Variants in CASTOR2 observed in about 807,000 individuals in gnomAD.
CASTOR2 encodes cytosolic arginine sensor for mTORC1 subunit 2.
A neutral mutation model predicts 31.2 loss-of-function variants in CASTOR2; 8 were observed. The observed-to-expected ratio is 0.26, with a 90% CI of 0.15 to 0.46. The LOEUF is 0.46. Ranked by LOEUF, CASTOR2 falls within the 20% of genes least tolerant of loss-of-function variation. The pLI, the probability that CASTOR2 is intolerant of heterozygous loss-of-function variation, is 0.99. For synonymous variants in CASTOR2, 162 were observed against 158.7 expected (o/e 1.02, Z -0.16); for missense variants, 216 against 382.1 (o/e 0.57, Z 3.62).
At chr7:74,970,807 G>A (rs1554435015) in intron 1 of CASTOR2, among the ~76,000 whole-genome samples, 1 of 146,688 alleles carries the variant, frequency 6.8e-6, no homozygotes, top group African/African-American at 2.5e-5. Flanking sequence ...AAAATAGCCA[G>A]GCATGGCGGT....
rs1261745409 is a variant in CASTOR2, at chr7:75,031,461, A to G, written c.*6762A>G. The stretch of plus-strand genomic sequence containing the variant: ...GTATGTTGGAGAAAAAAAATTACCT[A>G]ATGTTCCCCCAAAAAAGACAGTATA... On this transcript the variant is annotated 3_prime_UTR_variant, in exon 9 of 9. Transcript: ENST00000616305. Among the ~76,000 whole-genome samples the G allele has an allele frequency of 6.6e-6, 1 of 152,014 alleles. No individual in the cohort carries two copies. The highest frequency in any genetic ancestry group is 1.5e-5 in the Non-Finnish European group (1 of 67,998).
At chr7:75,009,970 G>A (rs1470582769) in intron 2 of CASTOR2, among the ~76,000 whole-genome samples, 4 of 147,910 alleles carry the variant, frequency 2.7e-5, no homozygotes, top group East Asian at 2.0e-4. Context: ...AGGTATGATC[G>A]TAGTGCATAG....
chr7:74,969,283 T>A (rs1554434870), intron 1 of CASTOR2, among the ~76,000 whole-genome samples: 1 of 117,082 alleles, frequency 8.5e-6, no homozygotes, highest in South Asian at 3.1e-4. Flanking sequence ...GGCCTTTTCT[T>A]TTTTTTTTTT....
chr7:75,020,759 G>A (rs988982466), intron 6 of CASTOR2, among the ~76,000 whole-genome samples: 26 of 151,948 alleles, frequency 1.7e-4, no homozygotes, highest in Non-Finnish European at 3.7e-4. Context: ...AAAGTGCTGG[G>A]ATTACTGGCA....
rs1232235591 is a variant in CASTOR2 at position 75,018,056 on chromosome 7, G to A, written c.445G>A (p.Val149Ile). 1.3e-5 allele frequency: 21 copies of A among 1,614,068 alleles called. No individual in the cohort carries two copies. The highest frequency in any genetic ancestry group is 6.7e-5 in the African/African-American group (5 of 74,938). The change falls in exon 4 of 9, where the codon GTC (valine) becomes ATC (isoleucine). Residue 149 changes from valine to isoleucine, a missense_variant. By Grantham distance (29) the Val-to-Ile change is conservative. Coordinates refer to ENST00000616305, the MANE Select transcript of CASTOR2 (RefSeq NM_001145064.3). ...LSSEFTILRV[V>I]NGETVAAENL... is the part of the protein sequence containing the mutation. Reference sequence around the variant, plus strand: ...ATCAGAGTTCACCATCCTGCGGGTCGTCAATGGCGAGACCGTGGCAGCCGA... The same window carrying A: ...ATCAGAGTTCACCATCCTGCGGGTCATCAATGGCGAGACCGTGGCAGCCGA...
chr7:74,990,982 A>G lies in CASTOR2; in HGVS notation c.114-17012A>G, dbSNP rs1460464540. On this transcript the variant is annotated intron_variant, in intron 1 of 8. Coordinates refer to ENST00000616305, the MANE Select transcript of CASTOR2 (RefSeq NM_001145064.3). ...CTGTAGTCCCAGCTACTCGGGCAGG[A>G]GGATCACGTAAGCCCAGGAGTTAGA... Among the ~76,000 whole-genome samples, 653 of 150,562 alleles carry G rather than the reference A, an allele frequency of 4.3e-3. 6 individuals carry two copies. The highest frequency in any genetic ancestry group is 0.015 in the African/African-American group (623 of 41,038).
In CASTOR2 at chr7:75,024,317, G is replaced by A. The variant is rs1209303019; in HGVS notation, c.830-123G>A. On this transcript the variant is annotated intron_variant, in intron 7 of 8. Transcript: ENST00000616305. The stretch of plus-strand genomic sequence containing the variant: ...AAAAAATAAAAGGGATAGCAGATGG[G>A]AATTCTCTAGGAGGATGGTGGGTGC... 4 of 974,566 alleles carry A rather than the reference G, an allele frequency of 4.1e-6. No homozygotes were observed. In the African/African-American group the frequency reaches 4.8e-5, roughly 12 times the overall value. 60.4% of individuals were successfully genotyped at this position (974,566 alleles called of 1,614,324 possible). A position where few individuals can be genotyped will look rare whatever the true frequency, so the allele number is the denominator to read the frequency against.
chr7:75,015,479 C>T (rs1207134548), intron 2 of CASTOR2, among the ~76,000 whole-genome samples: 53 of 152,116 alleles, frequency 3.5e-4, no homozygotes, highest in Non-Finnish European at 6.3e-4. Flanking sequence ...GGTCTCGCTA[C>T]GTTCTCCAGG....
rs1247370293 is a variant in CASTOR2 at position 74,966,824 on chromosome 7, G to A, written c.113+1726G>A. 5.4e-4 allele frequency among the ~76,000 whole-genome samples: 26 copies of A among 48,448 alleles called. 3 individuals carry two copies. Among genetic ancestry groups the A allele is most frequent in the African/African-American group, 9.6e-4 (24 of 24,892 alleles). 31.8% of individuals were successfully genotyped at this position (48,448 alleles called of 152,430 possible). On this transcript the variant is annotated intron_variant, in intron 1 of 8. Coordinates refer to ENST00000616305, the MANE Select transcript of CASTOR2 (RefSeq NM_001145064.3). ...AGGCAGCAAAGGGCAGGGTCCCTCA[G>A]CCCCTTTCCCTTGGTGGAGAGACTG... is the stretch of plus-strand genomic sequence containing the variant.
intron 1 of CASTOR2, among the ~76,000 whole-genome samples, chr7:74,988,848 AGG>A (rs1295971080): frequency 2.7e-5 from 4 of 146,404 alleles, no homozygotes; most frequent in Non-Finnish European, 4.4e-5. Context: ...CGATCTTCTG[AGG>A]CATGCTTTTT....
intron 1 of CASTOR2, among the ~76,000 whole-genome samples, chr7:75,007,408 A>G (rs1393989064): frequency 6.6e-6 from 1 of 152,076 alleles, no homozygotes; most frequent in Admixed American, 6.6e-5. Context: ...GTGCTATCAG[A>G]GATGATGTGA....
intron 1 of CASTOR2, among the ~76,000 whole-genome samples, chr7:74,999,905 G>A (rs1417574818): frequency 1.4e-4 from 21 of 152,208 alleles, no homozygotes; most frequent in Admixed American, 6.5e-4. Context: ...GAGCCACTGC[G>A]CCCGGCCACT....
chr7:74,994,988 C>G (rs1554437758), intron 1 of CASTOR2, among the ~76,000 whole-genome samples: 1 of 152,014 alleles, frequency 6.6e-6, no homozygotes, highest in South Asian at 2.1e-4. Flanking sequence ...GGAGACCGTG[C>G]GGGAGATTGC....
rs1805172597 is a variant in CASTOR2, at chr7:75,027,605, CAT to C, written c.*2907_*2908del. On this transcript the variant is annotated 3_prime_UTR_variant, in exon 9 of 9. Coordinates refer to ENST00000616305, the MANE Select transcript of CASTOR2 (RefSeq NM_001145064.3). ...ACTGGCCTCGTGTCATGGAGAAAAG[CAT>C]GTGTGTCGGGGCGCGCTGGGGCCAG... 12 of 189,708 alleles carry C rather than the reference CAT, an allele frequency of 6.3e-5. No homozygotes were observed. The highest frequency in any genetic ancestry group is 1.1e-5 in the Non-Finnish European group (1 of 90,556). The allele number at this position is 189,708 out of a possible 1,614,324, so 11.8% of individuals were successfully genotyped here.
Position 75,031,315 on chromosome 7 carries a change from C to T in CASTOR2, c.*6616C>T, listed in dbSNP as rs1468653874. On this transcript the variant is annotated 3_prime_UTR_variant, in exon 9 of 9. Coordinates refer to ENST00000616305, the MANE Select transcript of CASTOR2 (RefSeq NM_001145064.3). ...CCCGGGTCACCAGCAGCAGCAGCGG[C>T]GTTCCATCGCTCCCAAGATCTGGGT... Among the ~76,000 whole-genome samples, 5 of 152,222 alleles carry T rather than the reference C, an allele frequency of 3.3e-5. No homozygotes were observed. Among genetic ancestry groups the T allele is most frequent in the African/African-American group, 7.2e-5 (3 of 41,544 alleles).
rs1231723273 is a variant in CASTOR2 at position 74,998,860 on chromosome 7, T to A, written c.114-9134T>A. On this transcript the variant is annotated intron_variant, in intron 1 of 8. Transcript: ENST00000616305. The stretch of plus-strand genomic sequence containing the variant: ...GGGGCTTTCCCCCAGATCTTTGTGA[T>A]TTCTTCTGCCCTATCCGTCCCCTTT... Among the ~76,000 whole-genome samples the A allele has an allele frequency of 2.6e-5, 4 of 152,130 alleles. No individual in the cohort carries two copies. In the East Asian group the frequency reaches 7.7e-4, roughly 29 times the overall value.
chr7:75,001,141 A>G (rs1168085283), intron 1 of CASTOR2, among the ~76,000 whole-genome samples: 6 of 152,158 alleles, frequency 3.9e-5, no homozygotes, highest in African/African-American at 1.2e-4. Context: ...CAGTGGTGCA[A>G]TCACGGCTCA....
chr7:74,997,039 G>A (rs1804370111), intron 1 of CASTOR2, among the ~76,000 whole-genome samples: 1 of 151,336 alleles, frequency 6.6e-6, no homozygotes, highest in Admixed American at 6.6e-5. Context: ...CCAGCCGCCT[G>A]GTGCTTTTTT....
chr7:75,007,760 C>T (rs1804638015), intron 1 of CASTOR2: 3 of 629,068 alleles, frequency 4.8e-6, no homozygotes, highest in African/African-American at 1.8e-5. Context: ...CTCCGAGGTC[C>T]CCAAAGATTG....
Sources: allele counts gnomAD v4.1 joint callset (sites outside exome capture counted in the v4.1 genomes callset), GRCh38; gene constraint gnomAD v4.1.1; transcripts MANE v1.5; gene names NCBI Gene and HGNC (gene_info 2026-07-23, HGNC 2026-07-21).